Variants in ADAMTSL1 observed in about 807,000 individuals in gnomAD.
The protein encoded by ADAMTSL1 is ADAMTS-like protein 1.
A neutral mutation model predicts 201.8 loss-of-function variants in ADAMTSL1; 126 were observed. The observed-to-expected ratio is 0.62, with a 90% CI of 0.54 to 0.72. The LOEUF (loss-of-function observed/expected upper bound fraction) is 0.72. ADAMTSL1 is among the 30% of genes least tolerant of loss of function. ADAMTSL1 has a pLI of 0.00. For missense variants in ADAMTSL1, 2,679 were observed against 2,277.8 expected (o/e 1.18, Z -3.59); for synonymous variants, 1,121 against 903.4 (o/e 1.24, Z -4.32).
chr9:18,870,191 A>C (rs1371685648), intron 23 of ADAMTSL1, among the ~76,000 whole-genome samples: 1 of 152,190 alleles, frequency 6.6e-6, no homozygotes, highest in Non-Finnish European at 1.5e-5. Flanking sequence ...GTGTCCACTC[A>C]CTGCAGCATT....
intron 4 of ADAMTSL1, among the ~76,000 whole-genome samples, chr9:18,593,703 GTT>G (rs2132494120): frequency 6.6e-6 from 1 of 151,840 alleles, no homozygotes; most frequent in East Asian, 1.9e-4. Context: ...ATTTCCATGT[GTT>G]TGTATAGTTT....
At chr9:18,573,317 T>A (rs1019691326) in intron 3 of ADAMTSL1, 1 of 154,716 alleles carries the variant, frequency 6.5e-6, no homozygotes, top group African/African-American at 2.4e-5. Context: ...TGCAGAGTTA[T>A]TGCCTCTGTT....
At chr9:18,527,097 G>A (rs1210491119) in intron 2 of ADAMTSL1, among the ~76,000 whole-genome samples, 1 of 152,072 alleles carries the variant, frequency 6.6e-6, no homozygotes, top group African/African-American at 2.4e-5. Flanking sequence ...ACTCCAGGCT[G>A]GGTAACAGAA....
At chr9:18,483,847 C>G (rs540190997) in intron 1 of ADAMTSL1, among the ~76,000 whole-genome samples, 198 of 152,162 alleles carry the variant, frequency 1.3e-3, no homozygotes, top group African/African-American at 4.6e-3. Flanking sequence ...AAAAACAAAA[C>G]AAAACAAAAA....
chr9:18,193,486 C>G lies in ADAMTSL1; in HGVS notation c.207+29505C>G, dbSNP rs573188605. On this transcript the variant is annotated intron_variant, in intron 2 of 29. Coordinates refer to the ADAMTSL1 transcript ENST00000680146. ...TTGGAAGAAGCCTTTCTCTCCTCTT[C>G]TGGCTCTCTCTCTCTTCCTCTGGTT... Among the ~76,000 whole-genome samples the G allele has an allele frequency of 2.0e-5, 3 of 152,230 alleles. No homozygotes were observed. The South Asian group carries it at 6.2e-4, about 32-fold the overall frequency.
At chr9:18,721,757 C>G (rs1007841382) in intron 15 of ADAMTSL1, 92 bp downstream of exon 15, 5 of 1,490,734 alleles carry the variant, frequency 3.4e-6, no homozygotes, top group Non-Finnish European at 3.6e-6. Flanking sequence ...TTATTTGTTA[C>G]TCAGTGTTTT....
At chr9:18,278,443 AT>A (rs954876364) in intron 2 of ADAMTSL1, among the ~76,000 whole-genome samples, 2 of 151,932 alleles carry the variant, frequency 1.3e-5, no homozygotes, top group Non-Finnish European at 2.9e-5. Context: ...GTTGGCAGTT[AT>A]TTTTTTTCTT....
At chr9:18,296,556 T>C (rs1833485107) in intron 2 of ADAMTSL1, among the ~76,000 whole-genome samples, 1 of 152,162 alleles carries the variant, frequency 6.6e-6, no homozygotes, top group South Asian at 2.1e-4. Flanking sequence ...ATAAATTTGG[T>C]AAAACCTTAA....
chr9:17,960,682 A>T (rs937914389), intron 1 of ADAMTSL1, among the ~76,000 whole-genome samples: 1 of 152,182 alleles, frequency 6.6e-6, no homozygotes, highest in Admixed American at 6.5e-5. Flanking sequence ...GGCAAGAAAG[A>T]TGTTCTTTTC....
At chr9:18,383,409 G>A (rs992409653) in intron 2 of ADAMTSL1, among the ~76,000 whole-genome samples, 2 of 151,980 alleles carry the variant, frequency 1.3e-5, no homozygotes, top group Admixed American at 6.6e-5. Context: ...TTTGCAAAAG[G>A]TAGGCCTAGG....
At chr9:18,713,460 T>C (rs1353316243) in intron 14 of ADAMTSL1, among the ~76,000 whole-genome samples, 1 of 152,006 alleles carries the variant, frequency 6.6e-6, no homozygotes, top group Admixed American at 6.6e-5. Flanking sequence ...TAGTCTCTGA[T>C]AAAACAGACT....
At chr9:18,450,336 T>G (rs1284001124) in intron 2 of ADAMTSL1, among the ~76,000 whole-genome samples, 1 of 152,130 alleles carries the variant, frequency 6.6e-6, no homozygotes, top group African/African-American at 2.4e-5. Flanking sequence ...AATGGGTAGA[T>G]TTTACTGTAT....
intron 1 of ADAMTSL1, among the ~76,000 whole-genome samples, chr9:18,071,869 A>G (rs1224733068): frequency 2.6e-5 from 4 of 152,172 alleles, no homozygotes; most frequent in African/African-American, 4.8e-5. Flanking sequence ...CTGAATGATG[A>G]TATTCATCAG....
At chr9:18,213,243 G>A (rs1366647249) in intron 2 of ADAMTSL1, among the ~76,000 whole-genome samples, 1 of 152,198 alleles carries the variant, frequency 6.6e-6, no homozygotes, top group Admixed American at 6.5e-5. Flanking sequence ...GCTAAAGCCA[G>A]TGAGATTCTT....
intron 2 of ADAMTSL1, among the ~76,000 whole-genome samples, chr9:18,260,663 T>A (rs918455530): frequency 6.6e-6 from 1 of 152,198 alleles, no homozygotes; most frequent in Non-Finnish European, 1.5e-5. Context: ...TGCCTACTTG[T>A]TGCCTCTGGA....
chr9:18,235,883 C>T (rs1405607590), intron 2 of ADAMTSL1, among the ~76,000 whole-genome samples: 1 of 152,184 alleles, frequency 6.6e-6, no homozygotes, highest in Non-Finnish European at 1.5e-5. Context: ...CTTTAGCCTT[C>T]AGCATTCTGT....
chr9:18,527,337 GT>G lies in ADAMTSL1; in HGVS notation c.192-5909del, dbSNP rs1403998520. Among the ~76,000 whole-genome samples the G allele has an allele frequency of 2.0e-5, 3 of 152,164 alleles. No individual in the cohort carries two copies. The East Asian group carries it at 5.8e-4, about 29-fold the overall frequency. On this transcript the variant is annotated intron_variant, in intron 2 of 28. Transcript: ENST00000380548. ...TGCAATTGTCCTTAAAAACCCAGAA[GT>G]GTTAAATGCAGAATGACCAGATTTT... is the stretch of plus-strand genomic sequence containing the variant.
chr9:18,712,965 A>T (rs1191678374), intron 14 of ADAMTSL1, among the ~76,000 whole-genome samples: 1 of 151,464 alleles, frequency 6.6e-6, no homozygotes, highest in Non-Finnish European at 1.5e-5. Flanking sequence ...AAAGAAAAGA[A>T]TTTTCAACCC....
At chr9:18,531,453 A>C (rs1819438288) in intron 2 of ADAMTSL1, among the ~76,000 whole-genome samples, 1 of 152,146 alleles carries the variant, frequency 6.6e-6, no homozygotes, top group South Asian at 2.1e-4. Flanking sequence ...ACACTGACAC[A>C]CATGTGTCTT....
Sources: allele counts gnomAD v4.1 joint callset (sites outside exome capture counted in the v4.1 genomes callset), GRCh38; gene constraint gnomAD v4.1.1; transcripts MANE v1.5; gene names NCBI Gene and HGNC (gene_info 2026-07-23, HGNC 2026-07-21).